The following GABRA1 variants were observed in gnomAD, a reference collection of about 807,000 sequenced individuals.
The protein encoded by GABRA1 is gamma-aminobutyric acid type A receptor subunit alpha1.
GABRA1 carries 9 observed loss-of-function variants against 48.9 expected under a neutral mutation model. The observed-to-expected ratio is 0.18, with a 90% confidence interval of 0.11 to 0.32. GABRA1 has a LOEUF of 0.32. Ranked by LOEUF, GABRA1 falls within the 10% of genes least tolerant of loss-of-function variation. The probability of loss-of-function intolerance (pLI) is 1.00; values close to 1 mark genes in which losing one functional copy is unlikely to be tolerated. For missense variants in GABRA1, 285 were observed against 553.8 expected, an observed-to-expected ratio of 0.51 and a Z score of 4.87; for synonymous variants, 210 against 198.7, an observed-to-expected ratio of 1.06 and a Z score of -0.48.
rs575409690 is a variant in GABRA1, at chr5:161,892,991, C to T, written c.856+1941C>T. ...TGCACTCCAGCCTGGAGCAACAGAG[C>T]GAGACTCCTTCTCAAAAAAATAATA... On this transcript the variant is annotated intron_variant, in intron 8 of 9. Coordinates refer to ENST00000393943, the MANE Select transcript of GABRA1 (RefSeq NM_001127644.2). Among the ~76,000 whole-genome samples, 34 of 135,372 alleles carry T rather than the reference C, an allele frequency of 2.5e-4. No individual in the cohort carries two copies. The Admixed American group carries it at 2.5e-3, about 10-fold the overall frequency. 88.8% of individuals were successfully genotyped at this position (135,372 alleles called of 152,430 possible). A position where few individuals can be genotyped will look rare whatever the true frequency, so the allele number is the denominator to read the frequency against.
intron 3 of GABRA1, among the ~76,000 whole-genome samples, chr5:161,854,592 C>T (rs1757575978): frequency 6.6e-6 from 1 of 151,692 alleles, no homozygotes; most frequent in Non-Finnish European, 1.5e-5. Context: ...ACAATGACTG[C>T]AGCTATCTCA....
chr5:161,873,251 T>C lies in GABRA1; in HGVS notation c.390T>C (p.Asn130=), dbSNP rs778019249. The part of the protein sequence containing the change: ...KIWTPDTFFH[N]GKKSVAHNMT... ...GGACTCCGGACACATTTTTCCACAA[T>C]GGAAAGAAGTCAGTGGCCCACAACA... The change falls in exon 5 of 10, where the codon AAT becomes AAC. Residue 130 remains asparagine (N), a synonymous_variant. Transcript: ENST00000393943. The C allele has an allele frequency of 8.7e-6, 14 of 1,613,808 alleles. No homozygotes were observed. The highest frequency in any genetic ancestry group is 1.2e-5 in the Non-Finnish European group (14 of 1,179,878).
At chr5:161,887,910 C>T (rs893543391) in intron 7 of GABRA1, among the ~76,000 whole-genome samples, 3 of 152,152 alleles carry the variant, frequency 2.0e-5, no homozygotes, top group East Asian at 1.9e-4. Context: ...TTGGACAAAT[C>T]GGGAAACTGT....
intron 2 of GABRA1, among the ~76,000 whole-genome samples, chr5:161,853,269 CAA>C (rs139794315): frequency 0.01 from 1,584 of 151,876 alleles, 29 homozygotes; most frequent in African/African-American, 0.036. Context: ...GGTCGAAACA[CAA>C]AGACTAATAA....
At chr5:161,887,216 C>A (rs969184949) in intron 7 of GABRA1, among the ~76,000 whole-genome samples, 2 of 152,098 alleles carry the variant, frequency 1.3e-5, no homozygotes, top group African/African-American at 4.8e-5. Flanking sequence ...AAAGAGATGA[C>A]TAAGAAACAT....
chr5:161,876,033 T>C (rs1293442112), intron 6 of GABRA1, among the ~76,000 whole-genome samples: 2 of 152,122 alleles, frequency 1.3e-5, no homozygotes, highest in Admixed American at 1.3e-4. Context: ...ATTAAATTCG[T>C]TTACCAGATT....
rs766171281 is a variant in GABRA1, at chr5:161,882,268, T to C, written c.560-290T>C. On this transcript the variant is annotated intron_variant, in intron 6 of 9. Transcript: ENST00000393943. ...TTGTCCCCACTGCTACAATGCATAT[T>C]CCATAAGATAAAGAACATTTGTTCT... The C allele has an allele frequency of 1.2e-4, 51 of 438,144 alleles. 1 individual carries two copies. The highest frequency in any genetic ancestry group is 2.5e-4 in the Admixed American group (7 of 28,514). The allele number at this position is 438,144 out of a possible 1,614,324, so 27.1% of individuals were successfully genotyped here. A position where few individuals can be genotyped will look rare whatever the true frequency, so the allele number is the denominator to read the frequency against.
chr5:161,868,253 A>G (rs2113363909), intron 4 of GABRA1, among the ~76,000 whole-genome samples: 1 of 152,244 alleles, frequency 6.6e-6, no homozygotes, highest in Non-Finnish European at 1.5e-5. Context: ...AATCAACCAG[A>G]TTAACCCACC....
chr5:161,849,249 G>T (rs2113285802), intron 1 of GABRA1, among the ~76,000 whole-genome samples: 1 of 152,238 alleles, frequency 6.6e-6, no homozygotes, highest in Middle Eastern at 3.4e-3. Context: ...GCTGTGTTTT[G>T]TTTACCCATT....
intron 2 of GABRA1, among the ~76,000 whole-genome samples, chr5:161,852,625 C>T (rs1456886899): frequency 6.6e-6 from 1 of 151,784 alleles, no homozygotes; most frequent in African/African-American, 2.4e-5. Context: ...AGACACTTAG[C>T]TTGTTGAAAA....
chr5:161,874,282 A>G (rs1356664473), intron 5 of GABRA1, among the ~76,000 whole-genome samples: 2 of 152,170 alleles, frequency 1.3e-5, no homozygotes, highest in Non-Finnish European at 2.9e-5. Context: ...AAAAGAAAAG[A>G]AAAAATTCTT....
At chr5:161,868,907 G>A (rs368067106) in intron 4 of GABRA1, among the ~76,000 whole-genome samples, 1 of 152,054 alleles carries the variant, frequency 6.6e-6, no homozygotes, top group East Asian at 1.9e-4. Flanking sequence ...CAAATATCAG[G>A]AATAAGGAAC....
At position 161,899,443 on chromosome 5, in the gene GABRA1, C is replaced by T. The variant is rs1193301808; in HGVS notation, c.*2021C>T. 6.6e-6 allele frequency: 1 copy of T among 152,074 alleles called. No homozygotes were observed. The highest frequency in any genetic ancestry group is 6.6e-5 in the Admixed American group (1 of 15,262). The allele number at this position is 152,074 out of a possible 1,614,324, so 9.4% of individuals were successfully genotyped here. On this transcript the variant is annotated 3_prime_UTR_variant, in exon 10 of 10. Transcript: ENST00000393943. ...TGCTGTTTATCTTGTTATTTTTCGG[C>T]GTTATACTAATGTGTTTATTGAGAG...
chr5:161,892,724 G>A (rs1755151543), intron 8 of GABRA1, among the ~76,000 whole-genome samples: 1 of 152,088 alleles, frequency 6.6e-6, no homozygotes, highest in African/African-American at 2.4e-5. Flanking sequence ...ACACAGGACA[G>A]GCCGGGCACG....
chr5:161,851,895 T>C (rs996378456), intron 2 of GABRA1, among the ~76,000 whole-genome samples: 2 of 152,156 alleles, frequency 1.3e-5, no homozygotes, highest in Non-Finnish European at 2.9e-5. Context: ...CAATGACCTG[T>C]AGATGGAGTT....
intron 6 of GABRA1, 93 bp from the exon 7 acceptor site, chr5:161,882,465 A>G: frequency 8.4e-7 from 1 of 1,196,904 alleles, no homozygotes; most frequent in East Asian, 2.4e-5. Context: ...TGGAACCATG[A>G]TATAGAAAAT....
At chr5:161,879,546 A>G (rs1754519342) in intron 6 of GABRA1, among the ~76,000 whole-genome samples, 1 of 152,196 alleles carries the variant, frequency 6.6e-6, no homozygotes, top group Non-Finnish European at 1.5e-5. Context: ...CTGGTCAAGT[A>G]CATTTTCATA....
intron 3 of GABRA1, among the ~76,000 whole-genome samples, chr5:161,854,698 T>C (rs1757580742): frequency 1.3e-5 from 2 of 151,656 alleles, no homozygotes; most frequent in African/African-American, 4.8e-5. Flanking sequence ...TGATCCACTA[T>C]TATGTGTTAA....
rs59726286 is a variant in GABRA1 at position 161,870,946 on chromosome 5, C to CTGTG, written c.256-2124_256-2121dup. On this transcript the variant is annotated intron_variant, in intron 4 of 9. Transcript: ENST00000393943. ...TGAAGATTAACCAGCGAGTGTTGCT[C>CTGTG]TGTGTGTGTGTGTGTGTGTGTGTGT... 8.0e-3 allele frequency among the ~76,000 whole-genome samples: 1,129 copies of CTGTG among 141,478 alleles called. 17 individuals are homozygous for CTGTG. The highest frequency in any genetic ancestry group is 0.024 in the African/African-American group (862 of 36,506). 92.8% of individuals were successfully genotyped at this position (141,478 alleles called of 152,430 possible).
Sources: allele counts gnomAD v4.1 joint callset (sites outside exome capture counted in the v4.1 genomes callset), GRCh38; gene constraint gnomAD v4.1.1; transcripts MANE v1.5; gene names NCBI Gene and HGNC (gene_info 2026-07-23, HGNC 2026-07-21).